Variants in RP1 observed in about 807,000 individuals in gnomAD.
RP1 encodes RP1 axonemal microtubule associated, also known as oxygen-regulated protein 1.
Under a neutral mutation model 14.8 loss-of-function variants are expected in RP1, and 16 were observed. The observed-to-expected ratio is 1.08, with a 90% confidence interval of 0.73 to 1.65. The LOEUF is 1.65. Among genes scored for constraint, RP1 ranks in the 40% most tolerant of loss-of-function variants. The probability of loss-of-function intolerance (pLI) is 0.00; values close to 1 mark genes in which losing one functional copy is unlikely to be tolerated. For synonymous variants in RP1, 876 were observed against 883.6 expected (o/e 0.99, Z 0.15); for missense variants, 2,631 against 2,535.0 (o/e 1.04, Z -0.81).
intron 12 of RP1, among the ~76,000 whole-genome samples, chr8:54,688,120 G>A (rs1286141773): frequency 1.3e-5 from 2 of 152,162 alleles, no homozygotes; most frequent in Non-Finnish European, 2.9e-5. Context: ...CTTTTGAGAA[G>A]TGTCTATTCA....
chr8:54,853,940 G>A (rs1812124363), intron 26 of RP1, among the ~76,000 whole-genome samples: 1 of 133,818 alleles, frequency 7.5e-6, no homozygotes, highest in East Asian at 2.2e-4. Context: ...GAGAGAGAAA[G>A]GAAGGAAGGA....
Position 54,629,391 on chromosome 8 carries a change from G to T in RP1, c.5509G>T (p.Val1837Phe), listed in dbSNP as rs141193718. ...ACCTTTTCATGAGGACTTGCTGGAT[G>T]TTCGCAATGAAACCTGTGCCAAGGA... The part of the protein sequence containing the change: ...SEPFHEDLLD[V>F]RNETCAKERI... The change falls in exon 4 of 4, where the codon GTT becomes TTT. Residue 1837 changes from valine to phenylalanine, a missense_variant. By Grantham distance (50) the Val-to-Phe change is conservative (BLOSUM62 -1). Transcript: ENST00000220676. 2 of 1,613,984 alleles carry T rather than the reference G, an allele frequency of 1.2e-6. No homozygotes were observed. Among genetic ancestry groups the T allele is most frequent in the Non-Finnish European group, 8.5e-7 (1 of 1,179,994 alleles).
At chr8:54,613,121 A>C (rs1805635670), upstream of RP1, among the ~76,000 whole-genome samples, 1 of 152,222 alleles carries the variant, frequency 6.6e-6, no homozygotes, top group Admixed American at 6.5e-5. Context: ...TTGAACAAAT[A>C]AACAAATGAG....
intron 24 of RP1, among the ~76,000 whole-genome samples, chr8:54,795,398 GT>G (rs1320497000): frequency 6.6e-6 from 1 of 152,004 alleles, no homozygotes; most frequent in African/African-American, 2.4e-5. Flanking sequence ...CCTAATACAG[GT>G]GCAGAATATA....
intron 13 of RP1, chr8:54,701,436 T>A (rs1446159572): frequency 1.0e-5 from 14 of 1,357,912 alleles, no homozygotes; most frequent in South Asian, 1.5e-5. Flanking sequence ...TTACATTAAA[T>A]TTTTTTTTTC....
exon 14 of RP1, chr8:54,701,604 C>T: frequency 6.5e-7 from 1 of 1,535,680 alleles, no homozygotes. Context: ...GGCAAAATAG[C>T]TGATGCATCA....
chr8:54,864,521 GAT>G (rs1333577383), intron 27 of RP1, among the ~76,000 whole-genome samples: 1 of 151,818 alleles, frequency 6.6e-6, no homozygotes, highest in Non-Finnish European at 1.5e-5. Flanking sequence ...AAGATTTTTT[GAT>G]GTTTTGAAAA....
chr8:54,836,060 C>T (rs1811649216), intron 24 of RP1, among the ~76,000 whole-genome samples: 1 of 152,152 alleles, frequency 6.6e-6, no homozygotes, highest in Non-Finnish European at 1.5e-5. Context: ...ATTTTGGCTA[C>T]AGGACAGAAT....
chr8:54,668,612 C>T (rs1451236468), intron 7 of RP1, among the ~76,000 whole-genome samples: 1 of 152,158 alleles, frequency 6.6e-6, no homozygotes, highest in Non-Finnish European at 1.5e-5. Context: ...ATCATGCTAC[C>T]TGACTTCAAA....
intron 23 of RP1, among the ~76,000 whole-genome samples, chr8:54,781,966 C>A (rs1317650306): frequency 6.6e-6 from 1 of 152,096 alleles, no homozygotes; most frequent in Non-Finnish European, 1.5e-5. Flanking sequence ...CAAACTTATT[C>A]CCGTCCCTCC....
chr8:54,686,307 A>T (rs1807561955), intron 12 of RP1, among the ~76,000 whole-genome samples: 1 of 152,006 alleles, frequency 6.6e-6, no homozygotes, highest in East Asian at 1.9e-4. Context: ...AACAATGCTG[A>T]CCTGTAGACA....
At chr8:54,844,333 C>T (rs1296630256) in intron 25 of RP1, among the ~76,000 whole-genome samples, 2 of 152,150 alleles carry the variant, frequency 1.3e-5, no homozygotes, top group African/African-American at 4.8e-5. Flanking sequence ...CTTTTAATGG[C>T]AAAAACGCAG....
chr8:54,563,050 C>G (rs1306237268), intron 1 of RP1, among the ~76,000 whole-genome samples: 2 of 152,228 alleles, frequency 1.3e-5, no homozygotes, highest in African/African-American at 2.4e-5. Flanking sequence ...GACTCTTACT[C>G]TTAACTTTAC....
At chr8:54,747,579 AT>A (rs1266569992) in intron 19 of RP1, among the ~76,000 whole-genome samples, 2 of 152,246 alleles carry the variant, frequency 1.3e-5, no homozygotes, top group Non-Finnish European at 2.9e-5. Flanking sequence ...AATAAAACAC[AT>A]TTTGTTTATT....
intron 12 of RP1, among the ~76,000 whole-genome samples, chr8:54,698,863 G>T (rs1336197527): frequency 6.6e-6 from 1 of 151,894 alleles, no homozygotes; most frequent in African/African-American, 2.4e-5. Context: ...ATAGGGAGGG[G>T]AACATCACAC....
At chr8:54,599,846 G>A (rs1366885353) in intron 1 of RP1, among the ~76,000 whole-genome samples, 1 of 152,148 alleles carries the variant, frequency 6.6e-6, no homozygotes, top group Non-Finnish European at 1.5e-5. Context: ...TGGGTACTAT[G>A]TTATGAGACT....
At chr8:54,805,989 T>A (rs748198978) in intron 24 of RP1, among the ~76,000 whole-genome samples, 6 of 151,964 alleles carry the variant, frequency 3.9e-5, no homozygotes, top group Non-Finnish European at 7.4e-5. Flanking sequence ...ATAAATTTAT[T>A]GTCAGTGGTG....
chr8:54,795,100 G>A (rs1324840956), intron 24 of RP1, among the ~76,000 whole-genome samples: 3 of 152,028 alleles, frequency 2.0e-5, no homozygotes, highest in Non-Finnish European at 4.4e-5. Flanking sequence ...GTAAGTTTTG[G>A]TGAGAATGTG....
intron 26 of RP1, among the ~76,000 whole-genome samples, chr8:54,853,754 G>GAGAGAGAGAGAAAGAA (rs1563396896): frequency 1.4e-5 from 2 of 142,028 alleles, no homozygotes; most frequent in African/African-American, 5.3e-5. Context: ...GAAAGAAAGA[G>GAGAGAGAGAGAAAGAA]AGAGAGAAAG....
Sources: allele counts gnomAD v4.1 joint callset (sites outside exome capture counted in the v4.1 genomes callset), GRCh38; gene constraint gnomAD v4.1.1; transcripts MANE v1.5; gene names NCBI Gene and HGNC (gene_info 2026-07-23, HGNC 2026-07-21).